The following UNC5C variants were observed in gnomAD, a reference collection of about 807,000 sequenced individuals.
The protein encoded by UNC5C is netrin receptor UNC5C.
A neutral mutation model predicts 99.8 loss-of-function variants in UNC5C; 47 were observed. The ratio of observed to expected loss-of-function variants is 0.47; its 90% CI spans 0.37 to 0.60. UNC5C has a LOEUF of 0.60. Among genes scored for constraint, UNC5C ranks in the 20% least tolerant of loss-of-function variants. The pLI, the probability that UNC5C is intolerant of heterozygous loss-of-function variation, is 0.00. For synonymous variants in UNC5C, 487 were observed against 452.2 expected (o/e 1.08, Z -0.98); for missense variants, 1,062 against 1,165.9 (o/e 0.91, Z 1.30).
chr4:95,470,543 G>C (rs528656917), intron 1 of UNC5C, among the ~76,000 whole-genome samples: 1 of 151,996 alleles, frequency 6.6e-6, no homozygotes, highest in Non-Finnish European at 1.5e-5. Context: ...CTCTAGTGTT[G>C]GGGGAGAGGG....
chr4:95,276,201 T>C (rs1740853903), intron 4 of UNC5C, among the ~76,000 whole-genome samples: 1 of 151,590 alleles, frequency 6.6e-6, no homozygotes, highest in African/African-American at 2.4e-5. Flanking sequence ...TTGGTGATTT[T>C]AATAGTGTTG....
chr4:95,220,518 G>A (rs1738433280), intron 7 of UNC5C, among the ~76,000 whole-genome samples: 2 of 152,090 alleles, frequency 1.3e-5, no homozygotes, highest in African/African-American at 4.8e-5. Context: ...AGTTTGGAAG[G>A]GTTTTTGAAT....
At chr4:95,295,103 C>T (rs1044750494) in intron 3 of UNC5C, among the ~76,000 whole-genome samples, 18 of 152,110 alleles carry the variant, frequency 1.2e-4, no homozygotes, top group African/African-American at 3.6e-4. Flanking sequence ...ACATCAAGAG[C>T]GGCACTATTG....
chr4:95,534,586 A>T (rs184898597), intron 1 of UNC5C, among the ~76,000 whole-genome samples: 270 of 152,268 alleles, frequency 1.8e-3, no homozygotes, highest in African/African-American at 6.4e-3. Flanking sequence ...ACTAGAAAAC[A>T]TTTTCAAGTA....
intron 1 of UNC5C, among the ~76,000 whole-genome samples, chr4:95,533,788 C>A (rs920686003): frequency 6.6e-6 from 1 of 152,202 alleles, no homozygotes; most frequent in African/African-American, 2.4e-5. Flanking sequence ...TTTTGAGAGG[C>A]GTGTTTTTAT....
At chr4:95,459,001 C>T (rs76808776) in intron 1 of UNC5C, among the ~76,000 whole-genome samples, 3,755 of 152,130 alleles carry the variant, frequency 0.025, 69 homozygotes, top group East Asian at 0.049. Flanking sequence ...TCTTGAAATT[C>T]TGAACTAGGT....
chr4:95,301,195 A>ATTTT lies in UNC5C; in HGVS notation c.490+407_490+410dup, dbSNP rs34905310. Among the ~76,000 whole-genome samples the ATTTT allele has an allele frequency of 1.4e-3, 174 of 125,796 alleles. 6 individuals are homozygous for ATTTT. Among genetic ancestry groups the ATTTT allele is most frequent in the Non-Finnish European group, 2.0e-3 (125 of 62,316 alleles). The allele number at this position is 125,796 out of a possible 152,430, so 82.5% of individuals were successfully genotyped here. The stretch of plus-strand genomic sequence containing the variant: ...AATCTGGGAGCAGTTTTTTTCCAGG[A>ATTTT]TTTTTTTTTTTTTTTTTTTTGAGAC... On this transcript the variant is annotated intron_variant, in intron 3 of 15. Coordinates refer to ENST00000453304, the MANE Select transcript of UNC5C (RefSeq NM_003728.4).
At chr4:95,385,567 TAAA>T (rs1002323979) in intron 1 of UNC5C, among the ~76,000 whole-genome samples, 1 of 151,212 alleles carries the variant, frequency 6.6e-6, no homozygotes, top group East Asian at 1.9e-4. Context: ...AGAGAGGAAA[TAAA>T]AAAAAAGTGC....
chr4:95,422,585 A>T (rs1746353798), intron 1 of UNC5C, among the ~76,000 whole-genome samples: 1 of 152,070 alleles, frequency 6.6e-6, no homozygotes, highest in African/African-American at 2.4e-5. Flanking sequence ...TTTCTTGCAA[A>T]CTGACAATTC....
At chr4:95,304,115 C>A (rs1741972488) in intron 2 of UNC5C, among the ~76,000 whole-genome samples, 1 of 152,086 alleles carries the variant, frequency 6.6e-6, no homozygotes, top group Non-Finnish European at 1.5e-5. Flanking sequence ...AGCTCATAGG[C>A]CCATTAATGA....
intron 1 of UNC5C, among the ~76,000 whole-genome samples, chr4:95,522,269 C>A (rs891612333): frequency 6.6e-6 from 1 of 152,026 alleles, no homozygotes; most frequent in Admixed American, 6.6e-5. Flanking sequence ...ATAAAATCCT[C>A]AATTGTTCAT....
intron 7 of UNC5C, among the ~76,000 whole-genome samples, chr4:95,226,697 A>C (rs1199766169): frequency 1.3e-5 from 2 of 152,192 alleles, no homozygotes; most frequent in Non-Finnish European, 2.9e-5. Context: ...CTTCTGGCAA[A>C]AGATATGGTG....
chr4:95,408,670 G>T (rs1246445737), intron 1 of UNC5C, among the ~76,000 whole-genome samples: 2 of 152,080 alleles, frequency 1.3e-5, no homozygotes, highest in Admixed American at 1.3e-4. Flanking sequence ...AAATATTTGT[G>T]CTTAGGGCAC....
chr4:95,191,352 T>A (rs768923718), intron 12 of UNC5C, among the ~76,000 whole-genome samples: 44 of 152,168 alleles, frequency 2.9e-4, no homozygotes, highest in Non-Finnish European at 5.7e-4. Context: ...GGCATATACT[T>A]GGATGCTTTG....
intron 1 of UNC5C, among the ~76,000 whole-genome samples, chr4:95,519,247 G>T (rs1722291564): frequency 6.6e-6 from 1 of 152,124 alleles, no homozygotes; most frequent in African/African-American, 2.4e-5. Flanking sequence ...TTCAGCAATA[G>T]GACCTGGTAT....
At chr4:95,502,825 AG>A (rs1406297804) in intron 1 of UNC5C, among the ~76,000 whole-genome samples, 1 of 152,164 alleles carries the variant, frequency 6.6e-6, no homozygotes, top group East Asian at 1.9e-4. Context: ...TGAATATTAT[AG>A]TGGTATTAAC....
chr4:95,391,188 C>A (rs1745350102), intron 1 of UNC5C, among the ~76,000 whole-genome samples: 1 of 152,128 alleles, frequency 6.6e-6, no homozygotes, highest in African/African-American at 2.4e-5. Context: ...TCCATTAAAC[C>A]TTTTCTTCTT....
chr4:95,521,217 C>CTTTTTTTTTTTTTTTTT (rs201147890), intron 1 of UNC5C, among the ~76,000 whole-genome samples: 3 of 45,102 alleles, frequency 6.7e-5, no homozygotes, highest in Non-Finnish European at 4.6e-5. Context: ...TTTCTTTTTT[C>CTTTTTTTTTTTTTTTTT]TTTTTTCTTT....
intron 1 of UNC5C, among the ~76,000 whole-genome samples, chr4:95,536,997 T>C (rs1449919198): frequency 6.6e-6 from 1 of 152,172 alleles, no homozygotes; most frequent in African/African-American, 2.4e-5. Flanking sequence ...TATTAAGAAA[T>C]GCATGTATGA....
Sources: allele counts gnomAD v4.1 joint callset (sites outside exome capture counted in the v4.1 genomes callset), GRCh38; gene constraint gnomAD v4.1.1; transcripts MANE v1.5; gene names NCBI Gene and HGNC (gene_info 2026-07-23, HGNC 2026-07-21).